SAMD4A: variants seen among roughly 807,000 people sequenced by gnomAD.
The protein encoded by SAMD4A is sterile alpha motif domain containing 4A, also known as protein Smaug homolog 1.
Under a neutral mutation model 81.3 loss-of-function variants are expected in SAMD4A, and 33 were observed. That is an observed-to-expected ratio of 0.41 (90% CI 0.31 to 0.54). The LOEUF (loss-of-function observed/expected upper bound fraction) is 0.54, where lower values mean the gene tolerates loss of function less well. SAMD4A is among the 20% of genes least tolerant of loss of function. SAMD4A has a pLI of 0.37. For synonymous variants in SAMD4A, 389 were observed against 382.1 expected (o/e 1.02, Z -0.21); for missense variants, 854 against 951.1 (o/e 0.90, Z 1.34).
intron 2 of SAMD4A, among the ~76,000 whole-genome samples, chr14:54,626,015 G>GGTGTGTGT (rs71446501): frequency 1.9e-4 from 25 of 131,774 alleles, no homozygotes; most frequent in East Asian, 5.0e-4. Flanking sequence ...TCTACTGCTA[G>GGTGTGTGT]GTGTGTGTGT....
chr14:54,637,610 T>G (rs2035068090), intron 2 of SAMD4A, among the ~76,000 whole-genome samples: 1 of 152,036 alleles, frequency 6.6e-6, no homozygotes, highest in South Asian at 2.1e-4. Flanking sequence ...GCACAGGGAA[T>G]AGTGAGAAAG....
chr14:54,724,010 A>ATGG (rs1398379057), intron 3 of SAMD4A, among the ~76,000 whole-genome samples: 10 of 130,714 alleles, frequency 7.7e-5, no homozygotes, highest in African/African-American at 2.5e-4. Flanking sequence ...GGATGGATGG[A>ATGG]AGGAAGGAAG....
chr14:54,683,693 A>G (rs921439044), intron 2 of SAMD4A, among the ~76,000 whole-genome samples: 6 of 152,232 alleles, frequency 3.9e-5, no homozygotes, highest in African/African-American at 1.4e-4. Context: ...TAAGGTGATC[A>G]TTTGAGCCAT....
chr14:54,759,977 A>C (rs956379270), intron 6 of SAMD4A, among the ~76,000 whole-genome samples, 184 bp from the exon 7 acceptor site: 1 of 152,070 alleles, frequency 6.6e-6, no homozygotes, highest in Non-Finnish European at 1.5e-5. Context: ...GTATTTTCCA[A>C]GTGTTCTTCC....
chr14:54,657,683 C>A (rs2035550539), intron 2 of SAMD4A, among the ~76,000 whole-genome samples: 1 of 152,342 alleles, frequency 6.6e-6, no homozygotes, highest in Middle Eastern at 3.4e-3. Context: ...AAATGACCAG[C>A]AGTCTCCTTT....
At chr14:54,615,886 C>T (rs957048678) in intron 2 of SAMD4A, among the ~76,000 whole-genome samples, 1 of 151,986 alleles carries the variant, frequency 6.6e-6, no homozygotes, top group Admixed American at 6.6e-5. Context: ...GGACCCTCCC[C>T]TCCCCCCCGA....
At chr14:54,587,071 T>C (rs1319835882) in intron 2 of SAMD4A, among the ~76,000 whole-genome samples, 2 of 152,216 alleles carry the variant, frequency 1.3e-5, no homozygotes, top group African/African-American at 4.8e-5. Flanking sequence ...ATGGGATGTG[T>C]TTCCATTTGT....
intron 4 of SAMD4A, among the ~76,000 whole-genome samples, chr14:54,742,825 T>C (rs377710440): frequency 6.6e-6 from 1 of 152,200 alleles, no homozygotes; most frequent in African/African-American, 2.4e-5. Flanking sequence ...CCCAGGAACC[T>C]TGATGGAAAT....
chr14:54,776,708 G>A (rs1403676561), intron 11 of SAMD4A, among the ~76,000 whole-genome samples, 168 bp downstream of exon 11: 1 of 152,224 alleles, frequency 6.6e-6, no homozygotes, highest in African/African-American at 2.4e-5. Flanking sequence ...AATAGCGGCG[G>A]CTTGGCTGAG....
intron 2 of SAMD4A, among the ~76,000 whole-genome samples, chr14:54,592,874 A>T (rs1218512700): frequency 6.6e-6 from 1 of 152,196 alleles, no homozygotes; most frequent in Non-Finnish European, 1.5e-5. Flanking sequence ...CTAGGCCGTC[A>T]TCTTTATGTT....
intron 2 of SAMD4A, among the ~76,000 whole-genome samples, chr14:54,690,932 G>A (rs1041210525): frequency 3.3e-5 from 5 of 152,130 alleles, no homozygotes; most frequent in Admixed American, 6.5e-5. Context: ...TGGACATAGG[G>A]GCCCCTTGCT....
At chr14:54,664,880 A>G (rs1376563306) in intron 2 of SAMD4A, among the ~76,000 whole-genome samples, 2 of 151,904 alleles carry the variant, frequency 1.3e-5, no homozygotes, top group African/African-American at 2.4e-5. Flanking sequence ...TTAATTTTTT[A>G]AAGTGTGACT....
intron 2 of SAMD4A, among the ~76,000 whole-genome samples, chr14:54,650,577 C>T (rs538116475): frequency 1.3e-4 from 20 of 152,290 alleles, no homozygotes; most frequent in African/African-American, 4.3e-4. Context: ...GTTTCTCTTT[C>T]TCCAGAAAAC....
intron 2 of SAMD4A, among the ~76,000 whole-genome samples, chr14:54,685,274 G>GCCCCC (rs11323277): frequency 4.3e-5 from 6 of 140,332 alleles, no homozygotes; most frequent in East Asian, 4.7e-4. Flanking sequence ...CATTCTTCCT[G>GCCCCC]CCCCCCCCCC....
At chr14:54,687,259 G>A in intron 2 of SAMD4A, 1 of 429,694 alleles carries the variant, frequency 2.3e-6, no homozygotes, top group Non-Finnish European at 4.6e-6. Context: ...GATGGATCCT[G>A]CCCCTCCATG....
Position 54,702,318 on chromosome 14 carries a change from G to C in SAMD4A, c.453G>C (p.Glu151Asp). 1 of 1,613,504 alleles carries C rather than the reference G, an allele frequency of 6.2e-7. No homozygotes were observed. The highest frequency in any genetic ancestry group is 8.5e-7 in the Non-Finnish European group (1 of 1,179,590). Residue 151 changes from glutamate (E) to aspartate (D), a missense_variant, in exon 3 of 13, where the codon GAG becomes GAC. Physicochemically the swap from Glu to Asp is conservative, Grantham distance 45. Coordinates refer to ENST00000554335, the MANE Select transcript of SAMD4A (RefSeq NM_015589.6). Reference protein sequence around the residue: ...SALAMWLNHLEDRTSTSFGGQ... With the variant: ...SALAMWLNHLDDRTSTSFGGQ... Reference sequence around the variant, plus strand: ...TAGCCATGTGGCTGAATCACTTGGAGGACCGCACGTCGACCAGCTTTGGTG... The same window carrying C: ...TAGCCATGTGGCTGAATCACTTGGACGACCGCACGTCGACCAGCTTTGGTG...
chr14:54,762,120 T>A (rs994984599), intron 7 of SAMD4A, among the ~76,000 whole-genome samples: 2 of 152,170 alleles, frequency 1.3e-5, no homozygotes, highest in Non-Finnish European at 2.9e-5. Flanking sequence ...CTCCACAGCG[T>A]GGTCCTTTGG....
At chr14:54,671,828 G>C (rs1046874180) in intron 2 of SAMD4A, among the ~76,000 whole-genome samples, 1 of 152,082 alleles carries the variant, frequency 6.6e-6, no homozygotes. Flanking sequence ...GGCCTGAATT[G>C]ACACCTCAGG....
chr14:54,629,367 C>G (rs1056815073), intron 2 of SAMD4A, among the ~76,000 whole-genome samples: 2 of 152,034 alleles, frequency 1.3e-5, no homozygotes, highest in East Asian at 1.9e-4. Flanking sequence ...TTTAAGTTAC[C>G]CAGTTTGTGG....
Sources: allele counts gnomAD v4.1 joint callset (sites outside exome capture counted in the v4.1 genomes callset), GRCh38; gene constraint gnomAD v4.1.1; transcripts MANE v1.5; gene names NCBI Gene and HGNC (gene_info 2026-07-23, HGNC 2026-07-21).